The following IGF1R variants were observed in gnomAD, a reference collection of about 807,000 sequenced individuals.
IGF1R encodes the protein insulin-like growth factor 1 receptor.
A neutral mutation model predicts 144.6 loss-of-function variants in IGF1R; 44 were observed. The observed-to-expected ratio is 0.30, with a 90% CI of 0.24 to 0.39. The LOEUF is 0.39. IGF1R is among the 10% of genes least tolerant of loss of function. The pLI is 1.00. For missense variants in IGF1R, 1,355 were observed against 1,833.7 expected (o/e 0.74, Z 4.77); for synonymous variants, 795 against 722.8 (o/e 1.10, Z -1.60).
chr15:98,883,212 G>T (rs142067400), intron 2 of IGF1R, among the ~76,000 whole-genome samples: 1 of 152,328 alleles, frequency 6.6e-6, no homozygotes, highest in African/African-American at 2.4e-5. Context: ...GCCGTGCGTA[G>T]CTGATTCCAC....
chr15:98,830,581 A>T (rs1458438461), intron 2 of IGF1R, among the ~76,000 whole-genome samples: 1 of 150,700 alleles, frequency 6.6e-6, no homozygotes, highest in Non-Finnish European at 1.5e-5. Context: ...CTGTTCAAGC[A>T]TGGTTCCAAC....
At chr15:98,809,941 G>A (rs900514220) in intron 2 of IGF1R, among the ~76,000 whole-genome samples, 4 of 152,148 alleles carry the variant, frequency 2.6e-5, no homozygotes, top group Non-Finnish European at 4.4e-5. Context: ...GGATAGCCAC[G>A]GGGTTTGGCA....
At chr15:98,924,791 G>A (rs1311012295) in intron 13 of IGF1R, 107 bp downstream of exon 13, 3 of 1,048,342 alleles carry the variant, frequency 2.9e-6, no homozygotes, top group African/African-American at 1.6e-5. Flanking sequence ...TTAAAATGGA[G>A]TTGGCCAGCT....
intron 1 of IGF1R, among the ~76,000 whole-genome samples, chr15:98,683,395 C>A (rs2053240303): frequency 6.6e-6 from 1 of 152,150 alleles, no homozygotes; most frequent in Non-Finnish European, 1.5e-5. Context: ...TCCTTTAGTC[C>A]CATCATTGGG....
chr15:98,928,780 G>T (rs2015826165), intron 13 of IGF1R, among the ~76,000 whole-genome samples: 1 of 152,052 alleles, frequency 6.6e-6, no homozygotes, highest in South Asian at 2.1e-4. Context: ...GGGTCCATGT[G>T]CCTGGTGCCC....
At chr15:98,764,058 C>A (rs1222227802) in intron 2 of IGF1R, among the ~76,000 whole-genome samples, 3 of 152,140 alleles carry the variant, frequency 2.0e-5, no homozygotes, top group African/African-American at 4.8e-5. Context: ...TCATGGCATC[C>A]GATTTGTTCT....
intron 6 of IGF1R, among the ~76,000 whole-genome samples, chr15:98,910,532 G>T (rs1385715518): frequency 6.6e-6 from 1 of 152,336 alleles, no homozygotes; most frequent in East Asian, 1.9e-4. Context: ...AGGGCGAAAG[G>T]ACAATTCGTC....
At chr15:98,685,998 A>G (rs2053318872) in intron 1 of IGF1R, among the ~76,000 whole-genome samples, 1 of 152,244 alleles carries the variant, frequency 6.6e-6, no homozygotes, top group African/African-American at 2.4e-5. Context: ...GAACTTGTTC[A>G]TCTTCCCAAA....
Position 98,778,207 on chromosome 15 carries a change from C to T in IGF1R, c.640+70100C>T, listed in dbSNP as rs182814995. On this transcript the variant is annotated intron_variant, in intron 2 of 20. Transcript: ENST00000650285. Reference sequence around the variant, plus strand: ...CTTCACAGAAGATGCAAAGCCTGTACGTGGTCCTCGGAGTCATGCCACATG... The same window carrying T: ...CTTCACAGAAGATGCAAAGCCTGTATGTGGTCCTCGGAGTCATGCCACATG... 1.9e-3 allele frequency among the ~76,000 whole-genome samples: 290 copies of T among 152,266 alleles called. 2 individuals carry two copies. Among genetic ancestry groups the T allele is most frequent in the Non-Finnish European group, 1.1e-3 (77 of 68,012 alleles).
chr15:98,688,816 C>T (rs1431349686), intron 1 of IGF1R, among the ~76,000 whole-genome samples: 1 of 151,942 alleles, frequency 6.6e-6, no homozygotes, highest in African/African-American at 2.4e-5. Flanking sequence ...GAGAAAGGGC[C>T]CAGCTTTTTA....
In IGF1R at chr15:98,961,156, C is replaced by A. The variant is rs776284186; in HGVS notation, c.*3714C>A. ...GGGATCTTAAGGTCATTGAGAAATA[C>A]TGTTGGATCAGGGTTTTGTTCTTCC... On this transcript the variant is annotated 3_prime_UTR_variant, in exon 21 of 21. Transcript: ENST00000650285. 2.1e-5 allele frequency: 5 copies of A among 233,460 alleles called. No individual in the cohort carries two copies. Among genetic ancestry groups the A allele is most frequent in the Non-Finnish European group, 3.4e-5 (4 of 117,944 alleles). 14.5% of individuals were successfully genotyped at this position (233,460 alleles called of 1,614,324 possible).
At chr15:98,836,884 A>G (rs2011103587) in intron 2 of IGF1R, among the ~76,000 whole-genome samples, 1 of 152,218 alleles carries the variant, frequency 6.6e-6, no homozygotes, top group Admixed American at 6.5e-5. Flanking sequence ...GGGGAAGACT[A>G]CTACAAGATT....
intron 7 of IGF1R, among the ~76,000 whole-genome samples, chr15:98,911,996 C>T (rs1452890025): frequency 6.6e-6 from 1 of 152,192 alleles, no homozygotes; most frequent in African/African-American, 2.4e-5. Context: ...TGTGACTTCT[C>T]CTAGACTCTG....
chr15:98,801,634 G>GTT (rs1419041942), intron 2 of IGF1R, among the ~76,000 whole-genome samples: 7 of 152,238 alleles, frequency 4.6e-5, no homozygotes, highest in Non-Finnish European at 7.3e-5. Flanking sequence ...GACAGCCTGG[G>GTT]TTTGTATCCT....
At chr15:98,843,097 G>A (rs1052930329) in intron 2 of IGF1R, among the ~76,000 whole-genome samples, 3 of 152,226 alleles carry the variant, frequency 2.0e-5, no homozygotes, top group South Asian at 2.1e-4. Context: ...TTTGCTCACC[G>A]GCATGTGTGT....
intron 2 of IGF1R, among the ~76,000 whole-genome samples, chr15:98,728,135 T>C (rs955303919): frequency 1.3e-5 from 2 of 152,018 alleles, no homozygotes; most frequent in Non-Finnish European, 2.9e-5. Flanking sequence ...TTTAACTTGC[T>C]TTTTAACTAA....
rs886051631 is a variant in IGF1R at position 98,964,339 on chromosome 15, A to C, written c.*6897A>C. 2 of 231,074 alleles carry C rather than the reference A, an allele frequency of 8.7e-6. No individual in the cohort carries two copies. Among genetic ancestry groups the C allele is most frequent in the Non-Finnish European group, 1.7e-5 (2 of 116,636 alleles). The allele number at this position is 231,074 out of a possible 1,614,324, so 14.3% of individuals were successfully genotyped here. ...AAATCAGTAGATGAAAAAAATTTCAAAATGTTTTTGTATATTCTGTTGTAA... is the reference window on the plus strand; with the variant it reads ...AAATCAGTAGATGAAAAAAATTTCACAATGTTTTTGTATATTCTGTTGTAA... On this transcript the variant is annotated 3_prime_UTR_variant, in exon 21 of 21. Coordinates refer to ENST00000650285, the MANE Select transcript of IGF1R (RefSeq NM_000875.5).
chr15:98,822,813 C>G (rs1658788615), intron 2 of IGF1R, among the ~76,000 whole-genome samples: 1 of 152,146 alleles, frequency 6.6e-6, no homozygotes, highest in African/African-American at 2.4e-5. Flanking sequence ...ATGTAAAAAA[C>G]AGAAGTTAGG....
chr15:98,814,468 T>C (rs1252526268), intron 2 of IGF1R, among the ~76,000 whole-genome samples: 1 of 152,174 alleles, frequency 6.6e-6, no homozygotes, highest in Admixed American at 6.5e-5. Flanking sequence ...CTCAACCTCC[T>C]GAGTAGCTGG....
Sources: gnomAD v4.1 joint callset for allele counts (sites outside exome capture counted in the v4.1 genomes callset) on GRCh38, gnomAD v4.1.1 for gene constraint, MANE v1.5 for transcripts, NCBI Gene and HGNC (gene_info 2026-07-23, HGNC 2026-07-21) for gene names.